The following SMARCC1 variants were observed in gnomAD, a reference collection of about 807,000 sequenced individuals.
SMARCC1 encodes SWI/SNF related BAF chromatin remodeling complex subunit C1.
A neutral mutation model predicts 147.4 loss-of-function variants in SMARCC1; 43 were observed. The observed-to-expected ratio is 0.29, with a 90% CI of 0.23 to 0.38. The LOEUF (loss-of-function observed/expected upper bound fraction) is 0.38. SMARCC1 is among the 10% of genes least tolerant of loss of function. The pLI is 1.00. For synonymous variants in SMARCC1, 495 were observed against 484.4 expected (o/e 1.02, Z -0.29); for missense variants, 1,119 against 1,381.1 (o/e 0.81, Z 3.01).
At chr3:47,642,852 T>A (rs1366462464) in intron 21 of SMARCC1, among the ~76,000 whole-genome samples, 2 of 152,080 alleles carry the variant, frequency 1.3e-5, no homozygotes, top group Non-Finnish European at 2.9e-5. Flanking sequence ...TTGAGACCAC[T>A]CTAGGCAACA....
intron 2 of SMARCC1, among the ~76,000 whole-genome samples, chr3:47,748,376 G>C (rs1318242506): frequency 6.6e-6 from 1 of 151,926 alleles, no homozygotes; most frequent in Non-Finnish European, 1.5e-5. Flanking sequence ...AATACGCCTG[G>C]CTAATTTTTT....
At chr3:47,617,961 CACTT>C (rs771297295) in intron 25 of SMARCC1, among the ~76,000 whole-genome samples, 16 of 152,116 alleles carry the variant, frequency 1.1e-4, no homozygotes, top group African/African-American at 2.2e-4. Flanking sequence ...TTTTTTAAAT[CACTT>C]ACTCAGAAAC....
rs2032149780 is a variant in SMARCC1 at position 47,589,954 on chromosome 3, C to T, written c.3220+707G>A. On this transcript the variant is annotated intron_variant, in intron 27 of 27. Coordinates refer to ENST00000254480, the MANE Select transcript of SMARCC1 (RefSeq NM_003074.4). ...TGTGGCTGGGGTACCTGACCTACTA[C>T]TGGCTGCATTTCAGCATCATCCTCA... is the stretch of plus-strand genomic sequence containing the variant. Among the ~76,000 whole-genome samples the T allele has an allele frequency of 2.6e-5, 4 of 152,220 alleles. No individual in the cohort carries two copies. The South Asian group carries it at 8.3e-4, about 32-fold the overall frequency.
intron 25 of SMARCC1, among the ~76,000 whole-genome samples, chr3:47,620,016 T>A (rs930421970): frequency 3.3e-5 from 5 of 152,240 alleles, no homozygotes; most frequent in African/African-American, 1.2e-4. Flanking sequence ...TATTCTGGAA[T>A]AATTTCTTTT....
intron 2 of SMARCC1, among the ~76,000 whole-genome samples, chr3:47,765,601 T>C (rs759019361): frequency 2.9e-4 from 44 of 152,182 alleles, no homozygotes; most frequent in Non-Finnish European, 5.3e-4. Flanking sequence ...TTCAAATATA[T>C]ATACAACACT....
intron 18 of SMARCC1, among the ~76,000 whole-genome samples, chr3:47,674,104 G>C (rs1028935722): frequency 6.6e-6 from 1 of 152,168 alleles, no homozygotes; most frequent in Non-Finnish European, 1.5e-5. Flanking sequence ...TGTAAACTTT[G>C]TAACAGTTTA....
At chr3:47,684,531 C>T (rs1383018376) in intron 14 of SMARCC1, among the ~76,000 whole-genome samples, 3 of 151,342 alleles carry the variant, frequency 2.0e-5, no homozygotes, top group African/African-American at 7.3e-5. Context: ...ACCTCTGCCT[C>T]CTGGGTTCAA....
At chr3:47,766,596 C>T (rs1042899454) in intron 2 of SMARCC1, among the ~76,000 whole-genome samples, 2 of 152,004 alleles carry the variant, frequency 1.3e-5, no homozygotes, top group African/African-American at 2.4e-5. Flanking sequence ...AAAAACAGCT[C>T]TATCCTATTA....
In SMARCC1 at chr3:47,749,078, T is replaced by G. The variant is rs1014700550; in HGVS notation, c.316-3085A>C. On this transcript the variant is annotated intron_variant, in intron 2 of 27. Coordinates refer to ENST00000254480, the MANE Select transcript of SMARCC1 (RefSeq NM_003074.4). ...AGCACTTTGGGAGGCCGAGTTGGGT[T>G]GATCACTTGAGGTCAGAAGTTTGGG... Among the ~76,000 whole-genome samples the G allele has an allele frequency of 6.7e-5, 10 of 150,194 alleles. No homozygotes were observed. The East Asian group carries it at 1.8e-3, about 27-fold the overall frequency.
intron 24 of SMARCC1, among the ~76,000 whole-genome samples, chr3:47,629,126 A>G (rs959974869): frequency 1.3e-5 from 2 of 152,238 alleles, no homozygotes; most frequent in Admixed American, 1.3e-4. Flanking sequence ...ATTTGCCATC[A>G]ACGATGACTG....
At chr3:47,701,635 G>C (rs1031176288) in intron 10 of SMARCC1, 5 of 436,178 alleles carry the variant, frequency 1.1e-5, no homozygotes, top group African/African-American at 8.3e-5. Flanking sequence ...CCAACATAGC[G>C]AATCCCCGTC....
At chr3:47,634,600 C>T (rs957458542) in intron 24 of SMARCC1, among the ~76,000 whole-genome samples, 1 of 152,146 alleles carries the variant, frequency 6.6e-6, no homozygotes, top group Non-Finnish European at 1.5e-5. Flanking sequence ...CTTACATATT[C>T]ATGTTTAGAA....
chr3:47,771,537 C>T (rs2034914275), intron 2 of SMARCC1, among the ~76,000 whole-genome samples: 1 of 151,748 alleles, frequency 6.6e-6, no homozygotes, highest in South Asian at 2.1e-4. Flanking sequence ...CACTTGAGTT[C>T]AAGACCAGCG....
intron 25 of SMARCC1, among the ~76,000 whole-genome samples, chr3:47,612,158 G>A (rs2032573403): frequency 1.3e-5 from 2 of 152,176 alleles, no homozygotes; most frequent in African/African-American, 4.8e-5. Context: ...GAATCTTCTG[G>A]AAGTCCAGTT....
chr3:47,626,458 T>TAAA (rs67479695), intron 24 of SMARCC1, among the ~76,000 whole-genome samples: 3 of 117,750 alleles, frequency 2.5e-5, no homozygotes, highest in Non-Finnish European at 3.4e-5. Context: ...ACCCTGTCTT[T>TAAA]AAAAAAAAAA....
intron 2 of SMARCC1, among the ~76,000 whole-genome samples, chr3:47,752,910 G>A (rs1279382539): frequency 6.6e-6 from 1 of 152,098 alleles, no homozygotes; most frequent in Non-Finnish European, 1.5e-5. Context: ...TCAACTGTGT[G>A]ACCCAATTGC....
At position 47,610,237 on chromosome 3, in the gene SMARCC1, T is replaced by C; in HGVS notation, c.2872A>G (p.Met958Val). The change falls in exon 26 of 28, where the codon ATG becomes GTG. Residue 958 changes from methionine (M) to valine (V), a missense_variant. Physicochemically the swap from Met to Val is conservative, Grantham distance 21. Coordinates refer to ENST00000254480, the MANE Select transcript of SMARCC1 (RefSeq NM_003074.4). ...TTCTGGCCATGCTGCTGCTGTTCCA[T>C]TTGCTGTCGTGCTCGTAATTCAGCA... ...KYAELRARQQ[M>V]EQQQHGQNPQ... The C allele has an allele frequency of 6.2e-7, 1 of 1,614,196 alleles. No individual in the cohort carries two copies. The highest frequency in any genetic ancestry group is 8.5e-7 in the Non-Finnish European group (1 of 1,180,030).
chr3:47,716,316 G>A (rs1016770203), intron 7 of SMARCC1, among the ~76,000 whole-genome samples: 1 of 150,544 alleles, frequency 6.6e-6, no homozygotes. Context: ...TACTTGGGAG[G>A]CTGAGGCAGG....
chr3:47,611,684 T>A (rs2032567259), intron 25 of SMARCC1, among the ~76,000 whole-genome samples: 2 of 152,138 alleles, frequency 1.3e-5, no homozygotes, highest in South Asian at 4.1e-4. Context: ...GGAATAAGCA[T>A]GAGAATTAGC....
Sources: gnomAD v4.1 joint callset for allele counts (sites outside exome capture counted in the v4.1 genomes callset) on GRCh38, gnomAD v4.1.1 for gene constraint, MANE v1.5 for transcripts, NCBI Gene and HGNC (gene_info 2026-07-23, HGNC 2026-07-21) for gene names.